Variants in PCNX3 observed in about 807,000 individuals in gnomAD.
PCNX3 encodes pecanex-like protein 3.
In PCNX3, 58 loss-of-function variants were observed where a neutral mutation model predicts 207.2. The observed-to-expected ratio is 0.28, with a 90% CI of 0.23 to 0.35. The LOEUF (loss-of-function observed/expected upper bound fraction) is 0.35, where lower values mean the gene tolerates loss of function less well. PCNX3 is among the 10% of genes least tolerant of loss of function. PCNX3 has a pLI of 1.00. For synonymous variants in PCNX3, 1,337 were observed against 1,183.5 expected (o/e 1.13, Z -2.66); for missense variants, 2,410 against 2,774.4 (o/e 0.87, Z 2.95).
rs773280884 is a variant in PCNX3 at position 65,624,956 on chromosome 11, C to T, written c.2859C>T (p.Ser953=). The change falls in exon 16 of 35, where the codon AGC becomes AGT. Residue 953 remains serine (S), a synonymous_variant. Transcript: ENST00000355703. ...AATSPLTAVF[S]LSRSLLAAAL... ...CCAGCCCGCTCACGGCAGTCTTCAG[C>T]CTCTCCCGCAGCCTGCTGGCTGCTG... 3 of 1,612,152 alleles carry T rather than the reference C, an allele frequency of 1.9e-6. No homozygotes were observed. The highest frequency in any genetic ancestry group is 1.1e-5 in the South Asian group (1 of 90,888).
rs1466226554 is a variant in PCNX3 at position 65,636,160 on chromosome 11, C to T, written c.5460-14C>T. 4.4e-6 allele frequency: 7 copies of T among 1,593,024 alleles called. No homozygotes were observed. Among genetic ancestry groups the T allele is most frequent in the Non-Finnish European group, 5.1e-6 (6 of 1,169,814 alleles). On this transcript the variant is annotated splice_polypyrimidine_tract_variant and intron_variant, in intron 32 of 34. Coordinates refer to ENST00000355703, the MANE Select transcript of PCNX3 (RefSeq NM_032223.4). The stretch of plus-strand genomic sequence containing the variant: ...GTGTCCCTCCTGATCCCTTTTCTAC[C>T]TCTCCACCCCCAGGCTTCACAAGGG...
chr11:65,618,568 T>C lies in PCNX3; in HGVS notation c.1206T>C (p.Ser402=), dbSNP rs1854884852. 11 of 1,611,874 alleles carry C rather than the reference T, an allele frequency of 6.8e-6. No homozygotes were observed. Among genetic ancestry groups the C allele is most frequent in the Non-Finnish European group, 9.3e-6 (11 of 1,179,670 alleles). Residue 402 remains serine, a synonymous_variant, in exon 6 of 35, where the codon TCT becomes TCC. Transcript: ENST00000355703. ...SKRQPPLRRH[S]PPGRAPRRPL... ...GGCAGCCACCCCTGCGAAGACACTC[T>C]CCACCTGGCCGTGCCCCTCGACGGC...
At chr11:65,623,322 C>CT (rs747632367) in intron 11 of PCNX3, among the ~76,000 whole-genome samples, 169 bp from the exon 12 acceptor site, 10 of 152,230 alleles carry the variant, frequency 6.6e-5, no homozygotes, top group Non-Finnish European at 1.3e-4. Context: ...GGAGCAGGTG[C>CT]TGCCGGGCCG....
At chr11:65,620,305 G>T in intron 8 of PCNX3, 34 bp from the exon 9 acceptor site, 1 of 1,590,582 alleles carries the variant, frequency 6.3e-7, no homozygotes. Context: ...TTCTGTCTCT[G>T]CCACGCTGCC....
intron 8 of PCNX3, 41 bp downstream of exon 8, chr11:65,619,973 C>A: frequency 6.5e-7 from 1 of 1,550,006 alleles, no homozygotes; most frequent in South Asian, 1.2e-5. Context: ...GCCTCCCCGC[C>A]TTCCCCCAAC....
Position 65,621,498 on chromosome 11 carries a change from G to T in PCNX3, c.2235+532G>T, listed in dbSNP as rs145704568. ...GTGAAACGCCATCTTAGAGCTTAAAGAATGATCATAAAAGGGTACCCGGCA... is the reference window on the plus strand; with the variant it reads ...GTGAAACGCCATCTTAGAGCTTAAATAATGATCATAAAAGGGTACCCGGCA... On this transcript the variant is annotated intron_variant, in intron 10 of 34. Transcript: ENST00000355703. Among the ~76,000 whole-genome samples, 14 of 152,370 alleles carry T rather than the reference G, an allele frequency of 9.2e-5. No individual in the cohort carries two copies. The East Asian group carries it at 2.7e-3, about 29-fold the overall frequency.
In PCNX3 at chr11:65,623,527, C is replaced by T; in HGVS notation, c.2394C>T (p.Gly798=). Residue 798 remains glycine, a synonymous_variant, in exon 12 of 35, where the codon GGC becomes GGT. Transcript: ENST00000355703. ...RGVLENIFGV[G]LSSLVAFLGY... Reference sequence around the variant, plus strand: ...TGCTGGAGAACATCTTCGGCGTGGGCCTGAGCAGCCTTGTGGCCTTCCTGG... The same window carrying T: ...TGCTGGAGAACATCTTCGGCGTGGGTCTGAGCAGCCTTGTGGCCTTCCTGG... 1 of 1,613,514 alleles carries T rather than the reference C, an allele frequency of 6.2e-7. No homozygotes were observed. The highest frequency in any genetic ancestry group is 1.7e-4 in the Middle Eastern group (1 of 6,046).
rs569693286 is a variant in PCNX3 at position 65,630,550 on chromosome 11, C to G, written c.4416C>G (p.Ala1472=). ...EGYSISDNNA[A]SMLQVFDLRK... is the part of the protein sequence containing the mutation. The stretch of plus-strand genomic sequence containing the variant: ...ATAGCATTAGTGACAATAATGCTGC[C>G]TCCATGCTGCAGGTTTTCGACCTCC... The change falls in exon 27 of 35, where the codon GCC becomes GCG. Residue 1472 remains alanine, a synonymous_variant. Coordinates refer to ENST00000355703, the MANE Select transcript of PCNX3 (RefSeq NM_032223.4). The G allele has an allele frequency of 6.2e-7, 1 of 1,613,402 alleles. No individual in the cohort carries two copies. Among genetic ancestry groups the G allele is most frequent in the African/African-American group, 1.3e-5 (1 of 75,048 alleles).
At chr11:65,622,418 G>A in intron 11 of PCNX3, 52 bp downstream of exon 11, 1 of 1,548,674 alleles carries the variant, frequency 6.5e-7, no homozygotes, top group Middle Eastern at 1.7e-4. Context: ...CCTGGACCTT[G>A]GCTCCCCAGA....
intron 6 of PCNX3, 22 bp downstream of exon 6, chr11:65,619,089 AG>A (rs1742280606): frequency 6.5e-7 from 1 of 1,548,808 alleles, no homozygotes; most frequent in African/African-American, 1.4e-5. Flanking sequence ...CTCTAGAGGC[AG>A]GGGCTGGGGG....
intron 10 of PCNX3, among the ~76,000 whole-genome samples, chr11:65,621,760 G>A (rs1375094752): frequency 1.3e-5 from 2 of 152,244 alleles, no homozygotes; most frequent in Non-Finnish European, 2.9e-5. Context: ...CAAATGAGAG[G>A]TCAAGTCATG....
rs7941303 is a variant in PCNX3, at chr11:65,627,123, G to A, written c.3524+75G>A. ...ATCCGTGGGGAAACTGAGGCCTAGA[G>A]AGGGAATGAATCATGTCTAAGGTTG... On this transcript the variant is annotated intron_variant, in intron 21 of 34. Transcript: ENST00000355703. The A allele has an allele frequency of 2.3e-3, 3,355 of 1,442,208 alleles. 62 individuals carry two copies. In the African/African-American group the frequency reaches 0.04, roughly 17 times the overall value. 89.3% of individuals were successfully genotyped at this position (1,442,208 alleles called of 1,614,324 possible). A position where few individuals can be genotyped will look rare whatever the true frequency, so the allele number is the denominator to read the frequency against.
rs192838689 is a variant in PCNX3, at chr11:65,629,305, A to T, written c.3942-52A>T. The T allele has an allele frequency of 2.2e-5, 34 of 1,551,748 alleles. 1 individual carries two copies. In the Admixed American group the frequency reaches 6.2e-4, roughly 28 times the overall value. On this transcript the variant is annotated intron_variant, in intron 24 of 34. Transcript: ENST00000355703. ...CACAGGGAGAGCATGAGCAGGGTGC[A>T]CCCTCTCTTCACCTTCTTGGCCAAC...
chr11:65,625,720 C>T lies in PCNX3; in HGVS notation c.3204C>T (p.Ala1068=), dbSNP rs1855352664. 1 of 1,610,984 alleles carries T rather than the reference C, an allele frequency of 6.2e-7. No homozygotes were observed. The change falls in exon 19 of 35, where the codon GCC becomes GCT. Residue 1068 remains alanine (A), a synonymous_variant. Transcript: ENST00000355703. This position sits in a 1 kb window ranked among gnomAD's most constrained non-coding sequence, Gnocchi z 5.6. ...CCGTGCTCACCTTCGCCATCAGCGC[C>T]AGCACCGTCTTTATTGCCCTGAAGG... ...VIAVLTFAIS[A]STVFIALKSV...
At position 65,629,368 on chromosome 11, in the gene PCNX3, T is replaced by C. The variant is rs759215693; in HGVS notation, c.3953T>C (p.Val1318Ala). ...CTCTCTCTGAACAGCACTAAACGTGTGGATCATTCCAACACCCGCCTGGTC... is the reference window on the plus strand; with the variant it reads ...CTCTCTCTGAACAGCACTAAACGTGCGGATCATTCCAACACCCGCCTGGTC... Reference protein sequence around the residue: ...FWERDYNTKRVDHSNTRLVTQ... With the variant: ...FWERDYNTKRADHSNTRLVTQ... The change falls in exon 25 of 35, where the codon GTG becomes GCG. Residue 1318 changes from valine to alanine, a missense_variant. Transcript: ENST00000355703. 1.2e-6 allele frequency: 2 copies of C among 1,611,246 alleles called. No homozygotes were observed. Among genetic ancestry groups the C allele is most frequent in the Non-Finnish European group, 1.7e-6 (2 of 1,178,634 alleles).
chr11:65,619,111 CGGGCTT>C, intron 6 of PCNX3, 44 bp downstream of exon 6: 1 of 1,499,078 alleles, frequency 6.7e-7, no homozygotes, highest in South Asian at 1.2e-5. Flanking sequence ...ACGTGAGCTA[CGGGCTT>C]GGGGTTGGGC....
chr11:65,620,231 G>A (rs909535914), intron 8 of PCNX3, 108 bp from the exon 9 acceptor site: 9 of 1,190,626 alleles, frequency 7.6e-6, no homozygotes, highest in Non-Finnish European at 1.0e-5. Flanking sequence ...CCTCTCAGAG[G>A]ACACAGCACA....
At chr11:65,631,273 GT>G (rs925780220) in intron 27 of PCNX3, among the ~76,000 whole-genome samples, 8 of 152,248 alleles carry the variant, frequency 5.3e-5, no homozygotes, top group African/African-American at 1.9e-4. Flanking sequence ...TGGAATGGGG[GT>G]TCTGATCAGC....
In PCNX3 at chr11:65,637,014, C is replaced by G; in HGVS notation, c.*36C>G. ...GCCCACTGGACCACCTCCTAGGATTCAGTAACGGACCTGCTCTGCTGCCTC... is the reference window on the plus strand; with the variant it reads ...GCCCACTGGACCACCTCCTAGGATTGAGTAACGGACCTGCTCTGCTGCCTC... On this transcript the variant is annotated 3_prime_UTR_variant, in exon 35 of 35. Transcript: ENST00000355703. The G allele has an allele frequency of 6.5e-7, 1 of 1,539,332 alleles. No individual in the cohort carries two copies.
Sources: allele counts gnomAD v4.1 joint callset (sites outside exome capture counted in the v4.1 genomes callset), GRCh38; gene constraint gnomAD v4.1.1; non-coding constraint Gnocchi (gnomAD v3.1); transcripts MANE v1.5; gene names NCBI Gene and HGNC (gene_info 2026-07-23, HGNC 2026-07-21).